VASP: variants seen among roughly 807,000 people sequenced by gnomAD.
The protein encoded by VASP is vasodilator-stimulated phosphoprotein.
VASP carries 27 observed loss-of-function variants against 54.4 expected under a neutral mutation model. That is an observed-to-expected ratio of 0.50 (90% CI 0.37 to 0.68). The LOEUF is 0.68. Ranked by LOEUF, VASP falls within the 30% of genes least tolerant of loss-of-function variation. The pLI is 0.00. For synonymous variants in VASP, 233 were observed against 209.8 expected, an observed-to-expected ratio of 1.11 and a Z score of -0.96; for missense variants, 488 against 528.3, an observed-to-expected ratio of 0.92 and a Z score of 0.75.
At chr19:45,519,107 C>T (rs927396856) in intron 3 of VASP, among the ~76,000 whole-genome samples, 3 of 152,208 alleles carry the variant, frequency 2.0e-5, no homozygotes, top group Admixed American at 6.5e-5. Flanking sequence ...CTCCGCCTCC[C>T]GGGTTCAAGC....
rs766189228 is a variant in VASP at position 45,526,427 on chromosome 19, C to T, written c.*250C>T. 1 of 462,368 alleles carries T rather than the reference C, an allele frequency of 2.2e-6. No individual in the cohort carries two copies. The allele number at this position is 462,368 out of a possible 1,614,324, so 28.6% of individuals were successfully genotyped here. A position where few individuals can be genotyped will look rare whatever the true frequency, so the allele number is the denominator to read the frequency against. ...CTTCCCCTCTGCCATCCCCTTGGGG[C>T]CGGTCCCTCTGCTGGGGATGCACCA... On this transcript the variant is annotated 3_prime_UTR_variant, in exon 13 of 13. Coordinates refer to ENST00000245932, the MANE Select transcript of VASP (RefSeq NM_003370.4).
At chr19:45,516,472 G>A (rs1314199073) in intron 1 of VASP, among the ~76,000 whole-genome samples, 1 of 152,126 alleles carries the variant, frequency 6.6e-6, no homozygotes, top group Non-Finnish European at 1.5e-5. Flanking sequence ...GGTGGAGGGG[G>A]GTGCGTAGAG....
At chr19:45,512,594 T>TTTTG (rs1024401909) in intron 1 of VASP, among the ~76,000 whole-genome samples, 3 of 146,964 alleles carry the variant, frequency 2.0e-5, no homozygotes, top group African/African-American at 7.6e-5. Flanking sequence ...AGCCTACCTT[T>TTTTG]TTTGTTTGTT....
chr19:45,524,994 C>T (rs770427513), intron 11 of VASP: 13 of 244,756 alleles, frequency 5.3e-5, no homozygotes, highest in Non-Finnish European at 8.3e-5. Context: ...AGTACTTTTC[C>T]GGCTCCAAGG....
intron 1 of VASP, among the ~76,000 whole-genome samples, chr19:45,511,678 G>C (rs1259177818): frequency 4.6e-5 from 7 of 152,138 alleles, no homozygotes; most frequent in Non-Finnish European, 8.8e-5. Context: ...TGGGATTTTC[G>C]TTCTGGCTTT....
rs550850522 is a variant in VASP at position 45,522,334 on chromosome 19, T to C, written c.479-6T>C. On this transcript the variant is annotated splice_polypyrimidine_tract_variant and splice_region_variant and intron_variant, in intron 5 of 12. Transcript: ENST00000245932. The stretch of plus-strand genomic sequence containing the variant: ...TCAGCTGCCCCCTTTTCTGTGTTTG[T>C]TTCAGGAGGCCCACCTGCTCCCCCC... 6.2e-7 allele frequency: 1 copy of C among 1,607,142 alleles called. No homozygotes were observed. Among genetic ancestry groups the C allele is most frequent in the South Asian group, 1.1e-5 (1 of 90,124 alleles).
chr19:45,526,281 A>T lies in VASP; in HGVS notation c.*104A>T. ...TGGAATTGGCTGAAGACTACACAGG[A>T]ATGCATCGTTCCCACTCCCCATCCC... is the stretch of plus-strand genomic sequence containing the variant. On this transcript the variant is annotated 3_prime_UTR_variant, in exon 13 of 13. Transcript: ENST00000245932. 1 of 1,364,604 alleles carries T rather than the reference A, an allele frequency of 7.3e-7. No homozygotes were observed. The allele number at this position is 1,364,604 out of a possible 1,614,324, so 84.5% of individuals were successfully genotyped here.
intron 1 of VASP, among the ~76,000 whole-genome samples, chr19:45,513,408 C>G (rs1968638623): frequency 6.6e-6 from 1 of 150,744 alleles, no homozygotes; most frequent in African/African-American, 2.5e-5. Context: ...CCACACCCAG[C>G]TAATTTTAAA....
chr19:45,509,433 A>G (rs1333924912), intron 1 of VASP, among the ~76,000 whole-genome samples: 1 of 151,486 alleles, frequency 6.6e-6, no homozygotes, highest in Non-Finnish European at 1.5e-5. Context: ...TGGAAGGCGG[A>G]TGGCGGATGT....
Position 45,507,724 on chromosome 19 carries a change from C to T in VASP, c.-48C>T. On this transcript the variant is annotated 5_prime_UTR_variant, in exon 1 of 13. Coordinates refer to ENST00000245932, the MANE Select transcript of VASP (RefSeq NM_003370.4). This position sits in a 1 kb window ranked among gnomAD's most constrained non-coding sequence, Gnocchi z 4.4. ...CCCCTGAACCTCCAGCCAGGGGCGC[C>T]CCGGGAGCAGCCAGCCCGTGGGCGA... is the stretch of plus-strand genomic sequence containing the variant. The T allele has an allele frequency of 6.6e-7, 1 of 1,513,780 alleles. No individual in the cohort carries two copies. The highest frequency in any genetic ancestry group is 2.7e-5 in the East Asian group (1 of 37,502). The allele number at this position is 1,513,780 out of a possible 1,614,324, so 93.8% of individuals were successfully genotyped here.
At chr19:45,517,597 G>A in intron 1 of VASP, 66 bp from the exon 2 acceptor site, 1 of 1,556,240 alleles carries the variant, frequency 6.4e-7, no homozygotes, top group Non-Finnish European at 8.7e-7. Context: ...TTGTCCCTTG[G>A]AATCTCCCAG....
intron 4 of VASP, among the ~76,000 whole-genome samples, chr19:45,521,747 G>C (rs1031855376): frequency 6.6e-6 from 1 of 152,048 alleles, no homozygotes; most frequent in Non-Finnish European, 1.5e-5. Flanking sequence ...AAAATTAGCC[G>C]GTCATGGTGG....
chr19:45,519,384 T>A (rs1302199869), intron 3 of VASP, among the ~76,000 whole-genome samples: 1 of 152,120 alleles, frequency 6.6e-6, no homozygotes, highest in Non-Finnish European at 1.5e-5. Context: ...CCTCAAGTGA[T>A]CCACCTGCCT....
In VASP at chr19:45,522,578, C is replaced by T. The variant is rs1340498839; in HGVS notation, c.717C>T (p.Ser239=). ...CTGGAGCCAAACTCAGGAAAGTCAG[C>T]AAGGTGAGGGGCCGGGAGAGGTGGG... ...AIAGAKLRKV[S]KQEEASGGPT... is the part of the protein sequence containing the mutation. The change falls in exon 6 of 13, where the codon AGC becomes AGT. Residue 239 remains serine (S), a synonymous_variant. Transcript: ENST00000245932. 9 of 1,468,502 alleles carry T rather than the reference C, an allele frequency of 6.1e-6. No individual in the cohort carries two copies. In the African/African-American group the frequency reaches 9.9e-5, roughly 16 times the overall value. The allele number at this position is 1,468,502 out of a possible 1,614,324, so 91.0% of individuals were successfully genotyped here.
At chr19:45,524,740 A>G in intron 11 of VASP, 80 bp downstream of exon 11, 2 of 1,379,464 alleles carry the variant, frequency 1.4e-6, no homozygotes, top group South Asian at 2.4e-5. Context: ...GTATGATCCT[A>G]GATAACATCT....
At chr19:45,524,707 C>G in intron 11 of VASP, 47 bp downstream of exon 11, 2 of 1,569,144 alleles carry the variant, frequency 1.3e-6, no homozygotes, top group East Asian at 2.3e-5. Context: ...AGATCTAGGT[C>G]TGGCCCCTGC....
chr19:45,526,249 C>G lies in VASP; in HGVS notation c.*72C>G. ...TGTCACCCTGCTTTCCCTGCCTCTA[C>G]TTGACTTGGAATTGGCTGAAGACTA... On this transcript the variant is annotated 3_prime_UTR_variant, in exon 13 of 13. Coordinates refer to ENST00000245932, the MANE Select transcript of VASP (RefSeq NM_003370.4). 2 of 1,537,114 alleles carry G rather than the reference C, an allele frequency of 1.3e-6. No homozygotes were observed. The highest frequency in any genetic ancestry group is 2.8e-5 in the African/African-American group (2 of 71,680).
At chr19:45,515,509 G>A (rs542688668) in intron 1 of VASP, among the ~76,000 whole-genome samples, 2 of 152,282 alleles carry the variant, frequency 1.3e-5, no homozygotes, top group Non-Finnish European at 2.9e-5. Flanking sequence ...AGCTCTCGGC[G>A]TGTGCTGGAC....
chr19:45,524,236 C>A (rs933918820), intron 10 of VASP, 94 bp downstream of exon 10: 6 of 1,426,954 alleles, frequency 4.2e-6, no homozygotes, highest in Middle Eastern at 2.5e-4. Flanking sequence ...CATGGCGACA[C>A]CCCATCTCTA....
Sources: gnomAD v4.1 joint callset for allele counts (sites outside exome capture counted in the v4.1 genomes callset) on GRCh38, gnomAD v4.1.1 for gene constraint, Gnocchi (gnomAD v3.1) non-coding constraint, MANE v1.5 for transcripts, NCBI Gene and HGNC (gene_info 2026-07-23, HGNC 2026-07-21) for gene names.